PPP3R1: variants seen among roughly 807,000 people sequenced by gnomAD.
PPP3R1 encodes calcineurin subunit B type 1.
PPP3R1 carries 5 observed loss-of-function variants against 22.6 expected under a neutral mutation model. That is an observed-to-expected ratio of 0.22 (90% CI 0.12 to 0.46). The LOEUF (loss-of-function observed/expected upper bound fraction) is 0.46, where lower values mean the gene tolerates loss of function less well. PPP3R1 is among the 20% of genes least tolerant of loss of function. The pLI, the probability that PPP3R1 is intolerant of heterozygous loss-of-function variation, is 0.99. For missense variants in PPP3R1, 61 were observed against 203.2 expected (o/e 0.30, Z 4.25); for synonymous variants, 56 against 65.2 (o/e 0.86, Z 0.68).
At chr2:68,226,683 A>G (rs992381141) in intron 1 of PPP3R1, among the ~76,000 whole-genome samples, 2 of 152,114 alleles carry the variant, frequency 1.3e-5, no homozygotes, top group Admixed American at 6.6e-5. Flanking sequence ...CTGTCTTACT[A>G]TCTTTTGATA....
rs530344893 is a variant in PPP3R1, at chr2:68,199,859, C to T, written c.44-11169G>A. ...CTTGCAAATACTAAATGATTTTTTG[C>T]ACATATATTCTCAAATAATGTTGGT... On this transcript the variant is annotated intron_variant, in intron 2 of 5. Coordinates refer to ENST00000234310, the MANE Select transcript of PPP3R1 (RefSeq NM_000945.4). Among the ~76,000 whole-genome samples the T allele has an allele frequency of 3.3e-5, 5 of 152,228 alleles. 1 individual carries two copies. The East Asian group carries it at 9.6e-4, about 29-fold the overall frequency.
In PPP3R1 at chr2:68,252,503, G is replaced by A. The variant is rs537026645; in HGVS notation, c.-376C>T. ...GGAGCCGTGACGGACTCACTGCAGCGGCTCGCGCTGACCCGCAACCTCAAG... is the reference window on the plus strand; with the variant it reads ...GGAGCCGTGACGGACTCACTGCAGCAGCTCGCGCTGACCCGCAACCTCAAG... On this transcript the variant is annotated 5_prime_UTR_variant, in exon 1 of 6. Transcript: ENST00000234310. The A allele has an allele frequency of 1.7e-4, 166 of 978,338 alleles. 2 individuals are homozygous for A. The East Asian group carries it at 6.7e-3, about 39-fold the overall frequency. 60.6% of individuals were successfully genotyped at this position (978,338 alleles called of 1,614,324 possible).
In PPP3R1 at chr2:68,198,321, A is replaced by G. The variant is rs537364741; in HGVS notation, c.44-9631T>C. Among the ~76,000 whole-genome samples the G allele has an allele frequency of 4.2e-5, 6 of 143,416 alleles. No individual in the cohort carries two copies. The East Asian group carries it at 1.0e-3, about 24-fold the overall frequency. The allele number at this position is 143,416 out of a possible 152,430, so 94.1% of individuals were successfully genotyped here. A position where few individuals can be genotyped will look rare whatever the true frequency, so the allele number is the denominator to read the frequency against. ...TGTATACATGTATACATATATGTATATACATATGTACATATATGTACATGT... is the reference window on the plus strand; with the variant it reads ...TGTATACATGTATACATATATGTATGTACATATGTACATATATGTACATGT... On this transcript the variant is annotated intron_variant, in intron 2 of 5. Transcript: ENST00000234310.
chr2:68,183,301 T>C (rs774408303), intron 5 of PPP3R1, among the ~76,000 whole-genome samples: 8 of 152,214 alleles, frequency 5.3e-5, no homozygotes, highest in African/African-American at 1.7e-4. Context: ...TCTGGTGCCA[T>C]TATGACTCCT....
chr2:68,222,390 G>A (rs1257032193), intron 1 of PPP3R1, among the ~76,000 whole-genome samples: 2 of 152,198 alleles, frequency 1.3e-5, no homozygotes. Flanking sequence ...CAGATATCCA[G>A]CTAAACATTA....
chr2:68,246,047 T>A (rs1027040997), intron 1 of PPP3R1, among the ~76,000 whole-genome samples: 1 of 151,212 alleles, frequency 6.6e-6, no homozygotes, highest in Non-Finnish European at 1.5e-5. Context: ...TTACCCTTTT[T>A]ACTGACTTTT....
At chr2:68,197,342 A>C (rs903184144) in intron 2 of PPP3R1, among the ~76,000 whole-genome samples, 3 of 152,068 alleles carry the variant, frequency 2.0e-5, no homozygotes, top group African/African-American at 7.2e-5. Context: ...ACACTAATCC[A>C]TGTTGTTGCA....
At chr2:68,239,166 G>A (rs1227263752) in intron 1 of PPP3R1, among the ~76,000 whole-genome samples, 1 of 152,154 alleles carries the variant, frequency 6.6e-6, no homozygotes, top group Non-Finnish European at 1.5e-5. Context: ...TATGAGTCAA[G>A]AGGAAGGATG....
chr2:68,190,909 G>A (rs1674653127), intron 2 of PPP3R1, among the ~76,000 whole-genome samples: 1 of 152,120 alleles, frequency 6.6e-6, no homozygotes, highest in Non-Finnish European at 1.5e-5. Context: ...TAAGTGATGG[G>A]CTATGGTGTT....
In PPP3R1 at chr2:68,252,438, C is replaced by T; in HGVS notation, c.-311G>A. On this transcript the variant is annotated 5_prime_UTR_variant, in exon 1 of 6. Coordinates refer to ENST00000234310, the MANE Select transcript of PPP3R1 (RefSeq NM_000945.4). ...AAAGGAGGGGGAGAGGGGGCGAAGA[C>T]GGCCGGGAAACTCGGGGGCTGCAGC... 1 of 992,520 alleles carries T rather than the reference C, an allele frequency of 1.0e-6. No homozygotes were observed. The highest frequency in any genetic ancestry group is 4.7e-5 in the South Asian group (1 of 21,392). 61.5% of individuals were successfully genotyped at this position (992,520 alleles called of 1,614,324 possible).
In PPP3R1 at chr2:68,252,494, C is replaced by CA; in HGVS notation, c.-368dup. 2 of 986,454 alleles carry CA rather than the reference C, an allele frequency of 2.0e-6. No individual in the cohort carries two copies. Among genetic ancestry groups the CA allele is most frequent in the Non-Finnish European group, 2.4e-6 (2 of 831,366 alleles). The allele number at this position is 986,454 out of a possible 1,614,324, so 61.1% of individuals were successfully genotyped here. A position where few individuals can be genotyped will look rare whatever the true frequency, so the allele number is the denominator to read the frequency against. On this transcript the variant is annotated 5_prime_UTR_variant, in exon 1 of 6. Transcript: ENST00000234310. ...GCTCGCGCCGGAGCCGTGACGGACT[C>CA]ACTGCAGCGGCTCGCGCTGACCCGC...
At chr2:68,200,486 G>A (rs972864167) in intron 2 of PPP3R1, among the ~76,000 whole-genome samples, 3 of 152,286 alleles carry the variant, frequency 2.0e-5, no homozygotes, top group Middle Eastern at 3.4e-3. Flanking sequence ...TGAGCTTCAC[G>A]AGAAAATCTA....
chr2:68,218,599 T>C (rs991747976), intron 1 of PPP3R1, among the ~76,000 whole-genome samples: 9 of 146,894 alleles, frequency 6.1e-5, no homozygotes, highest in African/African-American at 2.3e-4. Context: ...TTACATATTC[T>C]TGCTGTCTTA....
At chr2:68,209,826 A>G (rs917526280) in intron 2 of PPP3R1, among the ~76,000 whole-genome samples, 2 of 152,276 alleles carry the variant, frequency 1.3e-5, no homozygotes, top group South Asian at 4.1e-4. Context: ...AAGCCCCAAC[A>G]AAAACAGCTC....
chr2:68,249,194 T>C (rs780916668), intron 1 of PPP3R1, among the ~76,000 whole-genome samples: 1 of 152,214 alleles, frequency 6.6e-6, no homozygotes, highest in Non-Finnish European at 1.5e-5. Flanking sequence ...CTTCTTTACT[T>C]TATACCTTGA....
At chr2:68,188,790 T>C (rs2103722842) in intron 2 of PPP3R1, 100 bp from the exon 3 acceptor site, 5 of 1,004,908 alleles carry the variant, frequency 5.0e-6, no homozygotes, top group East Asian at 2.7e-5. Flanking sequence ...TTAATAGTTA[T>C]AGGGGGGAAA....
At chr2:68,206,340 T>G (rs1675125107) in intron 2 of PPP3R1, among the ~76,000 whole-genome samples, 1 of 152,200 alleles carries the variant, frequency 6.6e-6, no homozygotes, top group African/African-American at 2.4e-5. Flanking sequence ...GGAGGCCTGA[T>G]ACTGAAGGAA....
intron 1 of PPP3R1, among the ~76,000 whole-genome samples, chr2:68,224,246 A>G (rs1256210861): frequency 1.3e-5 from 2 of 152,344 alleles, no homozygotes; most frequent in African/African-American, 4.8e-5. Flanking sequence ...ATCCCAGCAG[A>G]ATATTTTATA....
At chr2:68,215,132 C>G (rs1056472239) in intron 2 of PPP3R1, among the ~76,000 whole-genome samples, 1 of 152,064 alleles carries the variant, frequency 6.6e-6, no homozygotes, top group African/African-American at 2.4e-5. Context: ...GCCTACTTGA[C>G]AGTGGAGGGT....
Sources: gnomAD v4.1 joint callset for allele counts (sites outside exome capture counted in the v4.1 genomes callset) on GRCh38, gnomAD v4.1.1 for gene constraint, MANE v1.5 for transcripts, NCBI Gene and HGNC (gene_info 2026-07-23, HGNC 2026-07-21) for gene names.